TM9SF4: variants seen among roughly 807,000 people sequenced by gnomAD.
TM9SF4 encodes dinucleotide oxidase disulfide thiol exchanger 3 superfamily member 4.
Under a neutral mutation model 90.4 loss-of-function variants are expected in TM9SF4, and 26 were observed. The ratio of observed to expected loss-of-function variants is 0.29; its 90% CI spans 0.21 to 0.40. The LOEUF (loss-of-function observed/expected upper bound fraction) is 0.40. Ranked by LOEUF, TM9SF4 falls within the 10% of genes least tolerant of loss-of-function variation. TM9SF4 has a pLI of 1.00. For missense variants in TM9SF4, 549 were observed against 834.8 expected, an observed-to-expected ratio of 0.66 and a Z score of 4.22; for synonymous variants, 293 against 315.4, an observed-to-expected ratio of 0.93 and a Z score of 0.75.
intron 5 of TM9SF4, among the ~76,000 whole-genome samples, chr20:32,142,128 T>TAA (rs761897480): frequency 1.7e-3 from 242 of 143,786 alleles, no homozygotes; most frequent in Middle Eastern, 0.011. Context: ...TAAAACAACA[T>TAA]AAAAAAAAAA....
At chr20:32,109,778 G>A (rs1285952389) in intron 1 of TM9SF4, 23 bp downstream of exon 1, 7 of 1,551,310 alleles carry the variant, frequency 4.5e-6, no homozygotes, top group Admixed American at 2.0e-5. Context: ...GACTCCGGGA[G>A]CGGGAGCTGG....
Position 32,161,218 on chromosome 20 carries a change from T to C in TM9SF4, c.1690-58T>C, listed in dbSNP as rs184621549. The stretch of plus-strand genomic sequence containing the variant: ...TTCAGCCCCTCAAGCAACTGTGAAA[T>C]TGGTAGGAAGGGGTTCTGCCCCAGG... On this transcript the variant is annotated intron_variant, in intron 16 of 17. Transcript: ENST00000398022. 1.3e-3 allele frequency: 1,954 copies of C among 1,478,988 alleles called. 5 individuals are homozygous for C. The highest frequency in any genetic ancestry group is 4.5e-3 in the Middle Eastern group (20 of 4,418). The allele number at this position is 1,478,988 out of a possible 1,614,324, so 91.6% of individuals were successfully genotyped here.
intron 2 of TM9SF4, among the ~76,000 whole-genome samples, chr20:32,135,123 A>G (rs1216690560): frequency 3.3e-5 from 5 of 152,102 alleles, no homozygotes; most frequent in Non-Finnish European, 7.4e-5. Context: ...TAACATTTCG[A>G]TGGGTTCTAT....
chr20:32,137,593 C>G (rs1194261130), intron 3 of TM9SF4, among the ~76,000 whole-genome samples: 1 of 152,156 alleles, frequency 6.6e-6, no homozygotes, highest in East Asian at 1.9e-4. Flanking sequence ...CTCACATTCC[C>G]CTCTCTTCTC....
intron 1 of TM9SF4, among the ~76,000 whole-genome samples, chr20:32,125,369 C>T (rs931966881): frequency 6.6e-6 from 1 of 152,198 alleles, no homozygotes; most frequent in Non-Finnish European, 1.5e-5. Flanking sequence ...CAAATTTACC[C>T]AAAGTCACAC....
At chr20:32,131,973 C>T (rs1452059953) in intron 1 of TM9SF4, among the ~76,000 whole-genome samples, 1 of 152,110 alleles carries the variant, frequency 6.6e-6, no homozygotes, top group East Asian at 1.9e-4. Flanking sequence ...TAGTACATGT[C>T]AATTAGATAA....
intron 1 of TM9SF4, among the ~76,000 whole-genome samples, chr20:32,118,637 T>TTATTTATTTATG (rs1396074234): frequency 1.4e-5 from 2 of 138,076 alleles, no homozygotes; most frequent in East Asian, 4.1e-4. Flanking sequence ...ATTTATTTAT[T>TTATTTATTTATG]TATTTATTTT....
Position 32,157,804 on chromosome 20 carries a change from C to T in TM9SF4, c.1340C>T (p.Pro447Leu). 6.2e-7 allele frequency: 1 copy of T among 1,614,180 alleles called. No individual in the cohort carries two copies. Among genetic ancestry groups the T allele is most frequent in the East Asian group, 2.2e-5 (1 of 44,882 alleles). ...GTGCCATGTCTACAGGTGCCCTTTC[C>T]CACCATGGTGGCTCTGCTGTGCATG... ...GKHSSGAVPF[P>L]TMVALLCMWF... Residue 447 changes from proline (P) to leucine (L), a missense_variant, in exon 14 of 18, where the codon CCC becomes CTC. This residue lies in a region of TM9SF4 where 495 missense variants were observed against 711.7 expected (regional missense o/e 0.70). Transcript: ENST00000398022.
intron 1 of TM9SF4, among the ~76,000 whole-genome samples, chr20:32,112,215 G>T (rs2046153197): frequency 6.6e-6 from 1 of 152,084 alleles, no homozygotes; most frequent in Non-Finnish European, 1.5e-5. Context: ...TTTGAGACCA[G>T]CTTGGACAAC....
At position 32,158,533 on chromosome 20, in the gene TM9SF4, C is replaced by T. The variant is rs1424667685; in HGVS notation, c.1569+19C>T. On this transcript the variant is annotated intron_variant, in intron 15 of 17. Coordinates refer to ENST00000398022, the MANE Select transcript of TM9SF4 (RefSeq NM_014742.4). ...CTTCAGTGTGAGTACTGGTGCCTCCCCCACCCCTCCACCCATGCTAGCCGG... is the reference window on the plus strand; with the variant it reads ...CTTCAGTGTGAGTACTGGTGCCTCCTCCACCCCTCCACCCATGCTAGCCGG... 2.5e-6 allele frequency: 4 copies of T among 1,613,640 alleles called. No homozygotes were observed. The highest frequency in any genetic ancestry group is 3.4e-6 in the Non-Finnish European group (4 of 1,179,708).
chr20:32,123,444 A>G (rs2046365455), intron 1 of TM9SF4, among the ~76,000 whole-genome samples: 1 of 151,332 alleles, frequency 6.6e-6, no homozygotes, highest in Non-Finnish European at 1.5e-5. Context: ...TAAATTATGA[A>G]TGATGCTGAG....
chr20:32,141,367 G>A lies in TM9SF4; in HGVS notation c.230-130G>A, dbSNP rs1431103145. The A allele has an allele frequency of 5.5e-6, 6 of 1,098,910 alleles. No individual in the cohort carries two copies. The African/African-American group carries it at 6.3e-5, about 11-fold the overall frequency. The allele number at this position is 1,098,910 out of a possible 1,614,324, so 68.1% of individuals were successfully genotyped here. A position where few individuals can be genotyped will look rare whatever the true frequency, so the allele number is the denominator to read the frequency against. On this transcript the variant is annotated intron_variant, in intron 3 of 17. Coordinates refer to ENST00000398022, the MANE Select transcript of TM9SF4 (RefSeq NM_014742.4). ...TGAAGCAATGGGAAGGGCATTGGCT[G>A]CCAGGCTGAGGCACTGCTGAAGTCC...
chr20:32,154,962 G>A, intron 12 of TM9SF4, 141 bp from the exon 13 acceptor site: 1 of 688,002 alleles, frequency 1.5e-6, no homozygotes, highest in South Asian at 1.6e-5. Context: ...GAGGGTCAGG[G>A]AATACTTTCT....
At position 32,145,080 on chromosome 20, in the gene TM9SF4, G is replaced by A; in HGVS notation, c.653-11G>A. Reference sequence around the variant, plus strand: ...CACCACAGGAACAGACTGAGTCTGTGTCTCTCTCAGACCTCAAAGCAGATG... The same window carrying A: ...CACCACAGGAACAGACTGAGTCTGTATCTCTCTCAGACCTCAAAGCAGATG... On this transcript the variant is annotated splice_polypyrimidine_tract_variant and intron_variant, in intron 6 of 17. Coordinates refer to ENST00000398022, the MANE Select transcript of TM9SF4 (RefSeq NM_014742.4). 1 of 1,613,328 alleles carries A rather than the reference G, an allele frequency of 6.2e-7. No homozygotes were observed. The highest frequency in any genetic ancestry group is 8.5e-7 in the Non-Finnish European group (1 of 1,179,236).
In TM9SF4 at chr20:32,145,191, C is replaced by T. The variant is rs778882562; in HGVS notation, c.753C>T (p.Thr251=). Residue 251 remains threonine, a synonymous_variant, in exon 7 of 18, where the codon ACC becomes ACT. Transcript: ENST00000398022. ...DPTKENQLYF[T]YSVHWEESDI... is the part of the protein sequence containing the mutation. Reference sequence around the variant, plus strand: ...CCAAGGAGAATCAGCTGTACTTCACCTACTCTGTCCACTGGGAGGTGAGAA... The same window carrying T: ...CCAAGGAGAATCAGCTGTACTTCACTTACTCTGTCCACTGGGAGGTGAGAA... 1.2e-6 allele frequency: 2 copies of T among 1,614,102 alleles called. No individual in the cohort carries two copies. The highest frequency in any genetic ancestry group is 2.7e-5 in the African/African-American group (2 of 74,942).
At chr20:32,142,336 A>G (rs1215695501) in intron 5 of TM9SF4, among the ~76,000 whole-genome samples, 1 of 152,206 alleles carries the variant, frequency 6.6e-6, no homozygotes, top group Non-Finnish European at 1.5e-5. Flanking sequence ...TTCCCAGCAC[A>G]GCCCTGGAGA....
Position 32,150,885 on chromosome 20 carries a change from C to G in TM9SF4, c.1245+10C>G. Reference sequence around the variant, plus strand: ...GAAAGGAGCCTTCTGTGTGAGTGTCCTAAACCTTCTCTTGTTTGGTGGGAA... The same window carrying G: ...GAAAGGAGCCTTCTGTGTGAGTGTCGTAAACCTTCTCTTGTTTGGTGGGAA... On this transcript the variant is annotated intron_variant, in intron 12 of 17. Transcript: ENST00000398022. The G allele has an allele frequency of 1.2e-6, 2 of 1,613,902 alleles. No individual in the cohort carries two copies. Among genetic ancestry groups the G allele is most frequent in the Non-Finnish European group, 1.7e-6 (2 of 1,179,922 alleles).
At chr20:32,123,491 T>C (rs1162161845) in intron 1 of TM9SF4, among the ~76,000 whole-genome samples, 1 of 151,450 alleles carries the variant, frequency 6.6e-6, no homozygotes, top group African/African-American at 2.4e-5. Context: ...CTTTTTTTTT[T>C]AACTGCCCAT....
chr20:32,161,348 T>C lies in TM9SF4; in HGVS notation c.1762T>C (p.Phe588Leu), dbSNP rs977646064. ...ATTCTACGTCCTGGTTTATGCCATCTTTTATTTCGTTAACAAGGTACTGCC... is the reference window on the plus strand; with the variant it reads ...ATTCTACGTCCTGGTTTATGCCATCCTTTATTTCGTTAACAAGGTACTGCC... ...SAFYVLVYAI[F>L]YFVNKLDIVE... is the part of the protein sequence containing the mutation. The change falls in exon 17 of 18, where the codon TTT becomes CTT. Residue 588 changes from phenylalanine to leucine, a missense_variant. Physicochemically the swap from Phe to Leu is conservative, Grantham distance 22 (BLOSUM62 0). Transcript: ENST00000398022. The C allele has an allele frequency of 6.2e-7, 1 of 1,614,002 alleles. No homozygotes were observed.
Sources: allele counts gnomAD v4.1 joint callset (sites outside exome capture counted in the v4.1 genomes callset), GRCh38; gene constraint gnomAD v4.1.1; regional missense constraint gnomAD v4.1.1; transcripts MANE v1.5; gene names NCBI Gene and HGNC (gene_info 2026-07-23, HGNC 2026-07-21).